C8orf74: variants seen among roughly 807,000 people sequenced by gnomAD.
C8orf74 encodes uncharacterized protein C8orf74.
A neutral mutation model predicts 22.2 loss-of-function variants in C8orf74; 29 were observed. The ratio of observed to expected loss-of-function variants is 1.31; its 90% CI spans 0.97 to 1.78. C8orf74 has a LOEUF of 1.78. C8orf74 is among the 40% of genes most tolerant of loss of function. The pLI, the probability that C8orf74 is intolerant of heterozygous loss-of-function variation, is 0.00. For synonymous variants in C8orf74, 255 were observed against 163.1 expected (o/e 1.56, Z -4.30); for missense variants, 515 against 369.9 (o/e 1.39, Z -3.22).
chr8:10,697,570 C>A, intron 2 of C8orf74, 29 bp from the exon 3 acceptor site: 1 of 1,598,468 alleles, frequency 6.3e-7, no homozygotes, highest in South Asian at 1.1e-5. Flanking sequence ...GTCCCACTCC[C>A]ACTCTGTTCT....
intron 1 of C8orf74, chr8:10,673,498 C>T (rs1798960220): frequency 1.3e-5 from 2 of 152,410 alleles, no homozygotes; most frequent in South Asian, 2.1e-4. Flanking sequence ...CAGTCACTTA[C>T]ACTGTAGTAT....
At chr8:10,692,005 CT>C in intron 2 of C8orf74, 1 of 152,954 alleles carries the variant, frequency 6.5e-6, no homozygotes, top group Non-Finnish European at 1.5e-5. Flanking sequence ...TTGGGGTGGC[CT>C]TTCCCACCAT....
chr8:10,699,779 C>A (rs763480306), intron 3 of C8orf74, among the ~76,000 whole-genome samples: 1 of 152,162 alleles, frequency 6.6e-6, no homozygotes, highest in South Asian at 2.1e-4. Flanking sequence ...TGGTGGGGGC[C>A]CAGGGTATCC....
At chr8:10,698,811 G>C (rs1016652889) in intron 3 of C8orf74, among the ~76,000 whole-genome samples, 6 of 151,806 alleles carry the variant, frequency 4.0e-5, no homozygotes, top group Non-Finnish European at 7.4e-5. Flanking sequence ...GGAGTTGCAG[G>C]GCCTGTGAGT....
chr8:10,682,034 G>A (rs893643193), intron 2 of C8orf74, among the ~76,000 whole-genome samples: 1 of 152,214 alleles, frequency 6.6e-6, no homozygotes. Flanking sequence ...TCATGGCCAT[G>A]CCCACGGTCT....
intron 1 of C8orf74, among the ~76,000 whole-genome samples, chr8:10,674,226 A>AC (rs1798978283): frequency 2.7e-4 from 11 of 41,172 alleles, no homozygotes; most frequent in South Asian, 9.9e-4. Context: ...ATGCCCCACA[A>AC]CCCCATATCA....
chr8:10,693,891 G>A (rs1429015639), intron 2 of C8orf74, among the ~76,000 whole-genome samples: 9 of 152,228 alleles, frequency 5.9e-5, no homozygotes, highest in African/African-American at 1.9e-4. Flanking sequence ...CCTTGGGTCT[G>A]TCTTCCACCC....
intron 2 of C8orf74, among the ~76,000 whole-genome samples, chr8:10,682,082 G>A (rs1799163535): frequency 6.6e-6 from 1 of 152,186 alleles, no homozygotes; most frequent in Non-Finnish European, 1.5e-5. Context: ...TCACATCGGG[G>A]AGCCTCCAGC....
chr8:10,683,818 T>G (rs1454936017), intron 2 of C8orf74, among the ~76,000 whole-genome samples: 1 of 152,210 alleles, frequency 6.6e-6, no homozygotes, highest in African/African-American at 2.4e-5. Context: ...TGATGGGGAA[T>G]GCCTCCTCAC....
intron 2 of C8orf74, among the ~76,000 whole-genome samples, chr8:10,677,253 C>T (rs540535273): frequency 7.2e-5 from 11 of 152,270 alleles, no homozygotes; most frequent in South Asian, 6.2e-4. Flanking sequence ...AGCTGCCTTC[C>T]GCCCCTCTCC....
chr8:10,687,733 T>C (rs1180237339), intron 2 of C8orf74, among the ~76,000 whole-genome samples: 2 of 152,136 alleles, frequency 1.3e-5, no homozygotes, highest in African/African-American at 4.8e-5. Context: ...GATTTTATCA[T>C]CATTGCACAA....
rs943438717 is a variant in C8orf74 at position 10,687,037 on chromosome 8, G to A, written c.242-10562G>A. On this transcript the variant is annotated intron_variant, in intron 2 of 3. Coordinates refer to ENST00000304519, the MANE Select transcript of C8orf74 (RefSeq NM_001040032.2). ...TTAGATTGAAGAAATCCAGTCTCCA[G>A]GGTTATAGTCCTAGAGCCATGCTTC... 6.6e-6 allele frequency: 3 copies of A among 454,002 alleles called. No homozygotes were observed. The East Asian group carries it at 2.1e-4, about 32-fold the overall frequency. 28.1% of individuals were successfully genotyped at this position (454,002 alleles called of 1,614,324 possible).
At chr8:10,675,707 C>A (rs930493051) in intron 2 of C8orf74, 7 of 152,194 alleles carry the variant, frequency 4.6e-5, no homozygotes, top group African/African-American at 1.7e-4. Context: ...GAGCAGCCAG[C>A]ATTCTCCTGT....
At chr8:10,695,804 G>T (rs1799484054) in intron 2 of C8orf74, among the ~76,000 whole-genome samples, 2 of 152,178 alleles carry the variant, frequency 1.3e-5, no homozygotes, top group Non-Finnish European at 2.9e-5. Context: ...GGAGTCTGTG[G>T]ACAAGTCAGG....
At chr8:10,672,814 G>C (rs1219018759) in intron 1 of C8orf74, 101 bp downstream of exon 1, 1 of 1,025,630 alleles carries the variant, frequency 9.8e-7, no homozygotes, top group Non-Finnish European at 1.5e-6. Context: ...CCCCGGGGCA[G>C]CCACCCCGGC....
intron 2 of C8orf74, among the ~76,000 whole-genome samples, chr8:10,679,569 G>A (rs191513750): frequency 9.9e-5 from 15 of 152,088 alleles, no homozygotes; most frequent in Non-Finnish European, 2.1e-4. Context: ...TCCAGCCCTG[G>A]GTAAACTCCC....
intron 2 of C8orf74, among the ~76,000 whole-genome samples, chr8:10,680,684 G>T (rs935232286): frequency 2.6e-5 from 4 of 152,242 alleles, no homozygotes; most frequent in African/African-American, 9.6e-5. Context: ...CCACACTCAT[G>T]CTTGGCCCTG....
intron 2 of C8orf74, among the ~76,000 whole-genome samples, chr8:10,693,927 A>T (rs1799436386): frequency 6.6e-6 from 1 of 152,168 alleles, no homozygotes; most frequent in Admixed American, 6.5e-5. Flanking sequence ...TCTTGCCATC[A>T]TCTGCCTCCA....
At chr8:10,679,609 A>G (rs1799105174) in intron 2 of C8orf74, among the ~76,000 whole-genome samples, 1 of 152,288 alleles carries the variant, frequency 6.6e-6, no homozygotes, top group Non-Finnish European at 1.5e-5. Flanking sequence ...CCGTCCTTGG[A>G]TCGCATCACC....
Sources: allele counts gnomAD v4.1 joint callset (sites outside exome capture counted in the v4.1 genomes callset), GRCh38; gene constraint gnomAD v4.1.1; transcripts MANE v1.5; gene names NCBI Gene and HGNC (gene_info 2026-07-23, HGNC 2026-07-21).